BABAM2: variants seen among roughly 807,000 people sequenced by gnomAD.
The protein encoded by BABAM2 is BRISC and BRCA1 A complex member 2.
BABAM2 carries 31 observed loss-of-function variants against 54.7 expected under a neutral mutation model. The observed-to-expected ratio is 0.57, with a 90% CI of 0.43 to 0.77. BABAM2 has a LOEUF of 0.77. Ranked by LOEUF, BABAM2 falls within the 30% of genes least tolerant of loss-of-function variation. BABAM2 has a pLI of 0.00. For missense variants in BABAM2, 364 were observed against 455.8 expected, an observed-to-expected ratio of 0.80 and a Z score of 1.83; for synonymous variants, 167 against 162.9, an observed-to-expected ratio of 1.03 and a Z score of -0.19.
At chr2:28,284,479 A>G (rs1686633249) in intron 10 of BABAM2, among the ~76,000 whole-genome samples, 1 of 152,080 alleles carries the variant, frequency 6.6e-6, no homozygotes, top group South Asian at 2.1e-4. Flanking sequence ...ATGAGAATGG[A>G]GAGAATATTG....
intron 10 of BABAM2, among the ~76,000 whole-genome samples, chr2:28,278,991 C>T (rs988548919): frequency 3.3e-5 from 5 of 152,144 alleles, no homozygotes; most frequent in Admixed American, 3.3e-4. Flanking sequence ...AAGGTGAGCC[C>T]GTCCTCTTTT....
intron 4 of BABAM2, among the ~76,000 whole-genome samples, chr2:27,993,588 A>G (rs891958606): frequency 3.3e-5 from 5 of 152,212 alleles, no homozygotes; most frequent in Non-Finnish European, 5.9e-5. Flanking sequence ...ATGAAGTTGC[A>G]TAAAGGAGGA....
At chr2:28,272,435 C>A (rs190538760) in intron 10 of BABAM2, among the ~76,000 whole-genome samples, 80 of 152,292 alleles carry the variant, frequency 5.3e-4, no homozygotes, top group African/African-American at 1.9e-3. Context: ...ACAAAAGGGA[C>A]AGCCTGTTGC....
intron 3 of BABAM2, among the ~76,000 whole-genome samples, chr2:27,981,690 T>G (rs1366916023): frequency 2.0e-5 from 3 of 152,186 alleles, no homozygotes; most frequent in African/African-American, 7.2e-5. Context: ...GAGCATTATA[T>G]CAGTACTTTC....
chr2:28,026,816 ATATATT>A lies in BABAM2; in HGVS notation c.495+1402_495+1407del, dbSNP rs1307545359. Among the ~76,000 whole-genome samples, 31 of 88,874 alleles carry A rather than the reference ATATATT, an allele frequency of 3.5e-4. 3 individuals are homozygous for A. The highest frequency in any genetic ancestry group is 1.6e-3 in the African/African-American group (31 of 19,650). The allele number at this position is 88,874 out of a possible 152,430, so 58.3% of individuals were successfully genotyped here. A position where few individuals can be genotyped will look rare whatever the true frequency, so the allele number is the denominator to read the frequency against. On this transcript the variant is annotated intron_variant, in intron 5 of 11. Coordinates refer to ENST00000379624, the MANE Select transcript of BABAM2 (RefSeq NM_199191.3). ...ATATTTATATAAAAAATATATAAATATATATTTATATATATAAATATATATAAATAT... is the reference window on the plus strand; with the variant it reads ...ATATTTATATAAAAAATATATAAATATATATATATAAATATATATAAATAT...
intron 7 of BABAM2, among the ~76,000 whole-genome samples, chr2:28,235,717 C>T (rs1378656186): frequency 6.6e-6 from 1 of 152,144 alleles, no homozygotes; most frequent in Non-Finnish European, 1.5e-5. Flanking sequence ...GGTACAGAGG[C>T]ACGATCTCGG....
chr2:28,210,364 TACAC>T (rs1679333431), intron 7 of BABAM2, among the ~76,000 whole-genome samples: 1 of 152,214 alleles, frequency 6.6e-6, no homozygotes, highest in Admixed American at 6.5e-5. Context: ...TAAATTATGC[TACAC>T]TACTGCAAGT....
At chr2:28,297,262 A>G (rs1020959830) in intron 10 of BABAM2, among the ~76,000 whole-genome samples, 1 of 152,210 alleles carries the variant, frequency 6.6e-6, no homozygotes, top group African/African-American at 2.4e-5. Flanking sequence ...TGGTTTGCTC[A>G]CCTGTTAAAT....
intron 3 of BABAM2, among the ~76,000 whole-genome samples, chr2:27,963,207 C>T (rs1012610341): frequency 7.9e-5 from 12 of 152,238 alleles, no homozygotes; most frequent in East Asian, 5.8e-4. Context: ...AGGTGGCTCA[C>T]GCCTGCAATC....
intron 11 of BABAM2, among the ~76,000 whole-genome samples, chr2:28,332,062 G>C (rs1244309762): frequency 1.3e-5 from 2 of 152,114 alleles, no homozygotes; most frequent in African/African-American, 4.8e-5. Context: ...ACTAACACCG[G>C]AACAGAAAAC....
chr2:28,143,836 T>A (rs1671269078), intron 7 of BABAM2, among the ~76,000 whole-genome samples: 1 of 152,146 alleles, frequency 6.6e-6, no homozygotes, highest in Non-Finnish European at 1.5e-5. Flanking sequence ...CATTTTATGG[T>A]GACAAAACAG....
intron 4 of BABAM2, among the ~76,000 whole-genome samples, chr2:27,998,075 C>T (rs1673299249): frequency 6.6e-6 from 1 of 152,040 alleles, no homozygotes; most frequent in Non-Finnish European, 1.5e-5. Flanking sequence ...ATCGTTTGAA[C>T]CTGGGAGGTG....
At chr2:27,951,773 G>T (rs745408623) in intron 3 of BABAM2, among the ~76,000 whole-genome samples, 1 of 152,118 alleles carries the variant, frequency 6.6e-6, no homozygotes, top group African/African-American at 2.4e-5. Context: ...GTTCTTTAGT[G>T]GTGATTTGTG....
chr2:28,179,204 A>ATGTCT (rs1675351834), intron 7 of BABAM2, among the ~76,000 whole-genome samples: 2 of 152,050 alleles, frequency 1.3e-5, no homozygotes, highest in Non-Finnish European at 2.9e-5. Flanking sequence ...ATGGCAGGCT[A>ATGTCT]GTGATGAACA....
intron 7 of BABAM2, among the ~76,000 whole-genome samples, chr2:28,231,308 C>T (rs147230430): frequency 6.6e-6 from 1 of 152,190 alleles, no homozygotes; most frequent in East Asian, 1.9e-4. Flanking sequence ...TACAGAGTGC[C>T]CCAGATTCTT....
At chr2:28,088,616 G>A (rs1021773742) in intron 6 of BABAM2, among the ~76,000 whole-genome samples, 2 of 152,114 alleles carry the variant, frequency 1.3e-5, no homozygotes, top group African/African-American at 4.8e-5. Context: ...ACCATACCTG[G>A]GGAGCTTTAA....
chr2:28,230,934 C>T (rs1040074613), intron 7 of BABAM2, among the ~76,000 whole-genome samples: 8 of 152,064 alleles, frequency 5.3e-5, no homozygotes, highest in African/African-American at 1.9e-4. Context: ...ATTTTAATCA[C>T]TTATTCTACT....
At chr2:27,916,530 C>T (rs78551307) in intron 2 of BABAM2, among the ~76,000 whole-genome samples, 3,846 of 152,322 alleles carry the variant, frequency 0.025, 64 homozygotes, top group Non-Finnish European at 0.039. Context: ...CTACCTTGCT[C>T]ACTTGCAGTA....
upstream of BABAM2, chr2:27,890,181 A>T: frequency 7.0e-7 from 1 of 1,427,598 alleles, no homozygotes; most frequent in Admixed American, 1.8e-5. This position sits in a 1 kb window ranked among gnomAD's most constrained non-coding sequence, Gnocchi z 4.8. Context: ...CAGCGCCCAA[A>T]AGCTCCACTG....
Sources: gnomAD v4.1 joint callset for allele counts (sites outside exome capture counted in the v4.1 genomes callset) on GRCh38, gnomAD v4.1.1 for gene constraint, Gnocchi (gnomAD v3.1) non-coding constraint, MANE v1.5 for transcripts, NCBI Gene and HGNC (gene_info 2026-07-23, HGNC 2026-07-21) for gene names.